Variants in ACCSL observed in about 807,000 individuals in gnomAD.
ACCSL encodes the protein 1-aminocyclopropane-1-carboxylate synthase homolog (inactive) like, also known as probable inactive 1-aminocyclopropane-1-carboxylate synthase-like protein 2.
In ACCSL, 55 loss-of-function variants were observed where a neutral mutation model predicts 61.7. The ratio of observed to expected loss-of-function variants is 0.89; its 90% confidence interval spans 0.72 to 1.12. The LOEUF is 1.12. Among genes scored for constraint, ACCSL ranks in the 50% most tolerant of loss-of-function variants. The pLI, the probability that ACCSL is intolerant of heterozygous loss-of-function variation, is 0.00. For missense variants in ACCSL, 632 were observed against 698.0 expected, an observed-to-expected ratio of 0.91 and a Z score of 1.07; for synonymous variants, 258 against 264.3, an observed-to-expected ratio of 0.98 and a Z score of 0.23.
the ACCSL span, chr11:43,995,501 A>C: frequency 6.6e-6 from 1 of 152,246 alleles, no homozygotes; most frequent in Non-Finnish European, 1.5e-5. Context: ...AGTGAGTGCA[A>C]ATAGTTCATC....
At chr11:43,926,120 T>C in the ACCSL span, among the ~76,000 whole-genome samples, 2 of 151,944 alleles carry the variant, frequency 1.3e-5, no homozygotes, top group Non-Finnish European at 2.9e-5. Context: ...AAAATGAAAA[T>C]TGTGTGCGAG....
the ACCSL span, among the ~76,000 whole-genome samples, chr11:44,020,077 C>T: frequency 2.6e-5 from 4 of 152,206 alleles, no homozygotes; most frequent in African/African-American, 4.8e-5. Context: ...TAAAGGTTTA[C>T]AGCTGGACTT....
the ACCSL span, among the ~76,000 whole-genome samples, chr11:44,035,936 T>TAAAA: frequency 6.0e-4 from 47 of 78,852 alleles, no homozygotes; most frequent in African/African-American, 1.2e-3. Flanking sequence ...AGACTCTGTG[T>TAAAA]AAAAAAAAAA....
At chr11:43,933,212 A>G in the ACCSL span, 3 of 455,512 alleles carry the variant, frequency 6.6e-6, no homozygotes, top group Admixed American at 7.1e-5. Flanking sequence ...GAGCAGCGAA[A>G]CTTCTCAGAA....
the ACCSL span, among the ~76,000 whole-genome samples, chr11:43,931,774 A>G: frequency 6.6e-6 from 1 of 152,224 alleles, no homozygotes; most frequent in Admixed American, 6.5e-5. Context: ...CTTTAAGGGA[A>G]TGGCTGGAGA....
At chr11:44,022,543 G>A in the ACCSL span, among the ~76,000 whole-genome samples, 8 of 152,068 alleles carry the variant, frequency 5.3e-5, no homozygotes, top group African/African-American at 1.9e-4. Context: ...CTAGGCATAC[G>A]ATCATATCAT....
At chr11:44,003,836 G>A in the ACCSL span, among the ~76,000 whole-genome samples, 2 of 152,158 alleles carry the variant, frequency 1.3e-5, no homozygotes, top group Non-Finnish European at 2.9e-5. Context: ...TGCTGCCCGG[G>A]GGCTGTGGGT....
upstream of ACCSL, among the ~76,000 whole-genome samples, chr11:44,047,300 C>G (rs1283188116): frequency 6.6e-6 from 1 of 152,058 alleles, no homozygotes; most frequent in Admixed American, 6.6e-5. Flanking sequence ...GATAGAGGAA[C>G]TGAGGAATCT....
the ACCSL span, among the ~76,000 whole-genome samples, chr11:43,938,093 G>T: frequency 6.6e-6 from 1 of 152,202 alleles, no homozygotes; most frequent in African/African-American, 2.4e-5. Flanking sequence ...CCTCCTAGCT[G>T]CAAGGAGAGT....
chr11:43,928,155 C>T, the ACCSL span, among the ~76,000 whole-genome samples: 2 of 152,036 alleles, frequency 1.3e-5, no homozygotes, highest in African/African-American at 4.8e-5. Flanking sequence ...TTATGTTGAG[C>T]TGGAGGGGAG....
chr11:43,947,740 AGAGAGAGAGAGAGAGAGAGAGAGAGG>A, the ACCSL span, among the ~76,000 whole-genome samples: 235 of 4,334 alleles, frequency 0.054, 1 homozygote, highest in Non-Finnish European at 0.19. Flanking sequence ...AGACAGTGAA[AGAGAGAGAGAGAGAGAGAGAGAGAGG>A]GAGAGAGAGA....
At chr11:44,055,467 T>G (rs1356683307) in intron 9 of ACCSL, among the ~76,000 whole-genome samples, 176 bp downstream of exon 9, 1 of 152,264 alleles carries the variant, frequency 6.6e-6, no homozygotes, top group Non-Finnish European at 1.5e-5. Flanking sequence ...CTAGTCTATA[T>G]GCCATTTTGT....
intron 8 of ACCSL, among the ~76,000 whole-genome samples, 190 bp from the exon 9 acceptor site, chr11:44,055,012 C>A (rs1952662457): frequency 6.6e-6 from 1 of 152,138 alleles, no homozygotes; most frequent in African/African-American, 2.4e-5. Context: ...TGATGTACCA[C>A]CCCATCTACC....
chr11:44,037,334 G>T, the ACCSL span, among the ~76,000 whole-genome samples: 1 of 152,356 alleles, frequency 6.6e-6, no homozygotes, highest in East Asian at 1.9e-4. Flanking sequence ...CTGTAAAACA[G>T]AAATACTAAG....
rs748443313 is a variant in ACCSL, at chr11:44,056,049, T to C, written c.1149T>C (p.Asp383=). Residue 383 remains aspartate (D), a synonymous_variant, in exon 10 of 14, where the codon GAT becomes GAC. Transcript: ENST00000378832. ...TCCACTTCTTCTTCAGTTTGCCTGA[T>C]AGCAACAGGACCCATGTGATCTGGG... ...HSILSMKSLP[D]SNRTHVIWGT... is the part of the protein sequence containing the mutation. 20 of 1,614,108 alleles carry C rather than the reference T, an allele frequency of 1.2e-5. No individual in the cohort carries two copies. The highest frequency in any genetic ancestry group is 1.2e-4 in the Admixed American group (7 of 60,014).
chr11:44,010,536 G>C, the ACCSL span, among the ~76,000 whole-genome samples: 1 of 152,142 alleles, frequency 6.6e-6, no homozygotes, highest in African/African-American at 2.4e-5. Context: ...TCATGCCCAA[G>C]TGGATAACAT....
the ACCSL span, chr11:43,926,677 G>A: frequency 3.2e-6 from 1 of 308,472 alleles, no homozygotes. Context: ...TTCTTTGCAA[G>A]AAATTAAAAA....
the ACCSL span, among the ~76,000 whole-genome samples, chr11:43,991,403 T>C: frequency 4.6e-5 from 7 of 152,242 alleles, no homozygotes; most frequent in African/African-American, 1.7e-4. Flanking sequence ...AGCTCTAGAA[T>C]GAGAACAGTG....
At chr11:44,007,692 TGAGCCCCAGAGCGCCTCAGG>T in the ACCSL span, among the ~76,000 whole-genome samples, 1 of 152,192 alleles carries the variant, frequency 6.6e-6, no homozygotes, top group African/African-American at 2.4e-5. Flanking sequence ...TCAACTTCTC[TGAGCCCCAGAGCGCCTCAGG>T]GAGGCTCCTC....
Sources: gnomAD v4.1 joint callset for allele counts (sites outside exome capture counted in the v4.1 genomes callset) on GRCh38, gnomAD v4.1.1 for gene constraint, MANE v1.5 for transcripts, NCBI Gene and HGNC (gene_info 2026-07-23, HGNC 2026-07-21) for gene names.